MTMR2: variants seen among roughly 807,000 people sequenced by gnomAD.
The protein encoded by MTMR2 is phosphatidylinositol-3,5-bisphosphate 3-phosphatase MTMR2.
Under a neutral mutation model 86.9 loss-of-function variants are expected in MTMR2, and 55 were observed. The observed-to-expected ratio is 0.63, with a 90% confidence interval of 0.51 to 0.79. The LOEUF is 0.79. Ranked by LOEUF, MTMR2 falls within the 30% of genes least tolerant of loss-of-function variation. MTMR2 has a pLI of 0.00. For missense variants in MTMR2, 659 were observed against 772.3 expected (o/e 0.85, Z 1.74); for synonymous variants, 241 against 266.8 (o/e 0.90, Z 0.94).
At chr11:95,868,270 T>C (rs1864693880) in intron 2 of MTMR2, among the ~76,000 whole-genome samples, 2 of 53,326 alleles carry the variant, frequency 3.8e-5, no homozygotes, top group African/African-American at 9.8e-5. Context: ...TGAGACCCTG[T>C]GCTAAAAAAA....
intron 11 of MTMR2, among the ~76,000 whole-genome samples, chr11:95,843,183 A>G (rs922092073): frequency 3.3e-5 from 5 of 152,228 alleles, no homozygotes; most frequent in Non-Finnish European, 4.4e-5. Flanking sequence ...TGAAAACTCA[A>G]TTTTTGGTGA....
chr11:95,898,257 G>GT (rs888584451), intron 1 of MTMR2, among the ~76,000 whole-genome samples: 23 of 131,000 alleles, frequency 1.8e-4, no homozygotes, highest in African/African-American at 7.1e-4. Context: ...GGCCTGGTTG[G>GT]TTTTTAAAAA....
intron 10 of MTMR2, 143 bp from the exon 11 acceptor site, chr11:95,845,302 A>C (rs575804): frequency 1.3e-5 from 10 of 786,934 alleles, no homozygotes; most frequent in Non-Finnish European, 2.1e-6. Flanking sequence ...GAATTTTTTT[A>C]AATGGTAGAA....
In MTMR2 at chr11:95,865,537, G is replaced by GAGTACTGAAC. The variant is rs1178337922; in HGVS notation, c.262+54_262+63dup. On this transcript the variant is annotated intron_variant, in intron 3 of 14. Transcript: ENST00000346299. ...AGCCAGTTTATTCTCTGTATGCTGA[G>GAGTACTGAAC]AGTACTGAACATTCTGCACAGTAGA... The GAGTACTGAAC allele has an allele frequency of 5.0e-6, 7 of 1,402,806 alleles. No individual in the cohort carries two copies. In the Middle Eastern group the frequency reaches 5.3e-4, roughly 105 times the overall value. 86.9% of individuals were successfully genotyped at this position (1,402,806 alleles called of 1,614,324 possible).
chr11:95,835,336 G>A lies in MTMR2; in HGVS notation c.1886C>T (p.Ala629Val), dbSNP rs958314000. The change falls in exon 15 of 15, where the codon GCC becomes GTC. Residue 629 changes from alanine to valine, a missense_variant. By Grantham distance (64) the Ala-to-Val change is moderately conservative. This residue lies in a region of MTMR2 where 193 missense variants were observed against 191.6 expected (regional missense o/e 1.01). Coordinates refer to ENST00000346299, the MANE Select transcript of MTMR2 (RefSeq NM_016156.6). ...AGTGACACACTGTGCAGGAGAGCTG[G>A]CTCTCTCTGAGGATGAGGTTGATCG... Reference protein sequence around the residue: ...SNRSTSSSERASSPAQCVTPV... With the variant: ...SNRSTSSSERVSSPAQCVTPV... 6.2e-7 allele frequency: 1 copy of A among 1,612,934 alleles called. No individual in the cohort carries two copies. The highest frequency in any genetic ancestry group is 1.7e-5 in the Admixed American group (1 of 59,828).
intron 1 of MTMR2, among the ~76,000 whole-genome samples, chr11:95,902,282 AAG>A (rs1866102287): frequency 6.6e-6 from 1 of 152,112 alleles, no homozygotes; most frequent in South Asian, 2.1e-4. Flanking sequence ...CTCCATCAGC[AAG>A]AGTTTAAAAA....
At chr11:95,902,017 T>C (rs1442479067) in intron 1 of MTMR2, among the ~76,000 whole-genome samples, 1 of 152,184 alleles carries the variant, frequency 6.6e-6, no homozygotes, top group Non-Finnish European at 1.5e-5. Flanking sequence ...GATCTGATAG[T>C]AAATGAAGAT....
At chr11:95,912,989 T>G (rs1866566358) in intron 1 of MTMR2, 1 of 152,146 alleles carries the variant, frequency 6.6e-6, no homozygotes, top group Non-Finnish European at 1.5e-5. Context: ...AGCATGAAAC[T>G]TAAATCCAGG....
At chr11:95,886,694 G>C (rs779229695) in intron 2 of MTMR2, among the ~76,000 whole-genome samples, 1 of 152,106 alleles carries the variant, frequency 6.6e-6, no homozygotes, top group African/African-American at 2.4e-5. Context: ...TCATTCCTGA[G>C]TTATCAGTCA....
At chr11:95,856,507 T>G (rs629583) in intron 7 of MTMR2, among the ~76,000 whole-genome samples, 8,302 of 151,696 alleles carry the variant, frequency 0.055, 745 homozygotes, top group African/African-American at 0.19. Context: ...CCATTAGACC[T>G]TTTAGTTGAC....
At chr11:95,881,830 T>C (rs972328155) in intron 2 of MTMR2, among the ~76,000 whole-genome samples, 1 of 152,206 alleles carries the variant, frequency 6.6e-6, no homozygotes, top group Non-Finnish European at 1.5e-5. Flanking sequence ...CTTATTTTAC[T>C]GGCTAGGGTT....
rs543770504 is a variant in MTMR2, at chr11:95,907,038, GAC to G, written c.80+16835_80+16836del. Among the ~76,000 whole-genome samples, 374 of 152,062 alleles carry G rather than the reference GAC, an allele frequency of 2.5e-3. 1 individual carries two copies. The highest frequency in any genetic ancestry group is 0.024 in the Middle Eastern group (7 of 294). ...TCAGAGCTGAACTGAATGAAATTGA[GAC>G]ACACAAAAAACATACAAAAGATCAA... On this transcript the variant is annotated intron_variant, in intron 1 of 14. Coordinates refer to ENST00000346299, the MANE Select transcript of MTMR2 (RefSeq NM_016156.6).
chr11:95,891,003 G>A (rs1865695425), intron 1 of MTMR2, among the ~76,000 whole-genome samples: 1 of 152,114 alleles, frequency 6.6e-6, no homozygotes, highest in African/African-American at 2.4e-5. Flanking sequence ...GTCTATCTGG[G>A]GCAAGTTCAA....
rs763654400 is a variant in MTMR2 at position 95,836,132 on chromosome 11, A to G, written c.1770+16T>C. 5 of 1,588,622 alleles carry G rather than the reference A, an allele frequency of 3.1e-6. No homozygotes were observed. In the African/African-American group the frequency reaches 5.5e-5, roughly 17 times the overall value. ...GCATGAATGAAAACTCCCATTGTAT[A>G]TTGTAAGGCACATACCTGTGGTTTC... is the stretch of plus-strand genomic sequence containing the variant. On this transcript the variant is annotated intron_variant, in intron 14 of 14. Coordinates refer to ENST00000346299, the MANE Select transcript of MTMR2 (RefSeq NM_016156.6).
chr11:95,924,037 G>C lies in MTMR2; in HGVS notation c.-83C>G. 1 of 1,517,652 alleles carries C rather than the reference G, an allele frequency of 6.6e-7. No homozygotes were observed. 94.0% of individuals were successfully genotyped at this position (1,517,652 alleles called of 1,614,324 possible). The stretch of plus-strand genomic sequence containing the variant: ...GAGAAGCGGAGGGCGGAGTGCTACG[G>C]ACCGGGGCCGCAGTCAGGCCAGCGC... On this transcript the variant is annotated 5_prime_UTR_variant, in exon 1 of 15. Coordinates refer to ENST00000346299, the MANE Select transcript of MTMR2 (RefSeq NM_016156.6).
chr11:95,907,950 G>A, intron 1 of MTMR2: 1 of 403,270 alleles, frequency 2.5e-6, no homozygotes, highest in South Asian at 1.9e-5. Context: ...AGACAAGAAT[G>A]CCCACTGTCA....
intron 10 of MTMR2, 27 bp from the exon 11 acceptor site, chr11:95,845,186 G>C: frequency 6.4e-7 from 1 of 1,565,862 alleles, no homozygotes; most frequent in Non-Finnish European, 8.8e-7. Context: ...TTAATACATT[G>C]TTTTTAAACA....
chr11:95,852,396 G>A (rs1292171260), intron 7 of MTMR2, among the ~76,000 whole-genome samples: 1 of 152,170 alleles, frequency 6.6e-6, no homozygotes, highest in Non-Finnish European at 1.5e-5. Flanking sequence ...AGAGCAGAAT[G>A]TACTCTCCTT....
chr11:95,885,064 T>G (rs1414763488), intron 2 of MTMR2, among the ~76,000 whole-genome samples: 2 of 152,064 alleles, frequency 1.3e-5, no homozygotes, highest in Non-Finnish European at 2.9e-5. Context: ...AGTAAGGCAC[T>G]AATGGGGATA....
Sources: gnomAD v4.1 joint callset for allele counts (sites outside exome capture counted in the v4.1 genomes callset) on GRCh38, gnomAD v4.1.1 for gene constraint, gnomAD v4.1.1 regional missense constraint, MANE v1.5 for transcripts, NCBI Gene and HGNC (gene_info 2026-07-23, HGNC 2026-07-21) for gene names.